Variants in SCLT1 observed in about 807,000 individuals in gnomAD.
SCLT1 encodes the protein sodium channel-associated protein 1.
A neutral mutation model predicts 112.8 loss-of-function variants in SCLT1; 78 were observed. That is an observed-to-expected ratio of 0.69 (90% CI 0.58 to 0.83). The LOEUF (loss-of-function observed/expected upper bound fraction) is 0.83. Ranked by LOEUF, SCLT1 falls within the 40% of genes least tolerant of loss-of-function variation. SCLT1 has a pLI of 0.00. For missense variants in SCLT1, 747 were observed against 770.4 expected (o/e 0.97, Z 0.36); for synonymous variants, 257 against 254.7 (o/e 1.01, Z -0.09).
In SCLT1 at chr4:129,053,557, A is replaced by ATTTTTTTTTTTT. The variant is rs528905688; in HGVS notation, c.103-9518_103-9507dup. ...TTAGAGACTAGGATTGCAATCCCTG[A>ATTTTTTTTTTTT]TTTTTTTTTTTTTTTTTTTTTTTTT... On this transcript the variant is annotated intron_variant, in intron 2 of 20. Coordinates refer to ENST00000281142, the MANE Select transcript of SCLT1 (RefSeq NM_144643.4). Among the ~76,000 whole-genome samples, 23 of 45,238 alleles carry ATTTTTTTTTTTT rather than the reference A, an allele frequency of 5.1e-4. 2 individuals are homozygous for ATTTTTTTTTTTT. Among genetic ancestry groups the ATTTTTTTTTTTT allele is most frequent in the Non-Finnish European group, 7.0e-4 (18 of 25,852 alleles). The allele number at this position is 45,238 out of a possible 152,430, so 29.7% of individuals were successfully genotyped here. A position where few individuals can be genotyped will look rare whatever the true frequency, so the allele number is the denominator to read the frequency against.
intron 18 of SCLT1, among the ~76,000 whole-genome samples, chr4:128,895,478 A>G (rs1056828599): frequency 6.6e-6 from 1 of 152,148 alleles, no homozygotes; most frequent in Non-Finnish European, 1.5e-5. Flanking sequence ...GATCAGGTTT[A>G]TATTATTTTT....
chr4:128,976,127 G>A (rs773259173), intron 9 of SCLT1, among the ~76,000 whole-genome samples: 2 of 152,142 alleles, frequency 1.3e-5, no homozygotes, highest in African/African-American at 2.4e-5. Context: ...ACTAGTAGTA[G>A]TGTCCATACT....
At chr4:128,937,350 T>C (rs1737296010) in intron 17 of SCLT1, among the ~76,000 whole-genome samples, 1 of 151,918 alleles carries the variant, frequency 6.6e-6, no homozygotes, top group African/African-American at 2.4e-5. Context: ...CGAAAACTTA[T>C]AATGTTATGT....
chr4:129,055,638 A>T (rs1284867792), intron 2 of SCLT1, among the ~76,000 whole-genome samples: 1 of 152,066 alleles, frequency 6.6e-6, no homozygotes, highest in Non-Finnish European at 1.5e-5. Flanking sequence ...AAGCTCGTTC[A>T]TCCCAGGTGG....
intron 8 of SCLT1, among the ~76,000 whole-genome samples, chr4:128,994,850 A>G (rs1742874333): frequency 6.6e-6 from 1 of 152,090 alleles, no homozygotes; most frequent in South Asian, 2.1e-4. Context: ...TTAAAAATCA[A>G]CTTATTAGGT....
downstream of SCLT1, among the ~76,000 whole-genome samples, chr4:128,882,355 T>TTAAC (rs1311173466): frequency 6.6e-6 from 1 of 152,214 alleles, no homozygotes; most frequent in Non-Finnish European, 1.5e-5. Flanking sequence ...TGATTACCAT[T>TTAAC]TAACTGCCAT....
At chr4:129,035,458 T>C (rs1337248292) in intron 5 of SCLT1, among the ~76,000 whole-genome samples, 2 of 152,144 alleles carry the variant, frequency 1.3e-5, no homozygotes, top group Non-Finnish European at 1.5e-5. Context: ...CAATGACTTA[T>C]TACCTCAGGT....
chr4:129,012,982 T>A (rs1744671307), intron 5 of SCLT1, among the ~76,000 whole-genome samples: 1 of 152,162 alleles, frequency 6.6e-6, no homozygotes, highest in South Asian at 2.1e-4. Flanking sequence ...TTCTGTGTCT[T>A]TTTTTGCTTT....
At chr4:129,016,401 T>C (rs889527089) in intron 5 of SCLT1, among the ~76,000 whole-genome samples, 3 of 152,200 alleles carry the variant, frequency 2.0e-5, no homozygotes, top group Admixed American at 1.3e-4. Context: ...CTCCCACTTA[T>C]GAGTGAGAAC....
At chr4:128,922,874 A>G (rs1218729827) in intron 18 of SCLT1, among the ~76,000 whole-genome samples, 1 of 152,220 alleles carries the variant, frequency 6.6e-6, no homozygotes, top group Non-Finnish European at 1.5e-5. Context: ...TTTGTAAAAT[A>G]ACAGATCAGA....
chr4:128,877,960 A>G (rs559170879), intron 3 of SCLT1, among the ~76,000 whole-genome samples: 4 of 152,182 alleles, frequency 2.6e-5, no homozygotes, highest in Non-Finnish European at 5.9e-5. Context: ...CAGATCAAAT[A>G]TATGTATATG....
At chr4:128,904,639 T>C (rs1734558342) in intron 18 of SCLT1, among the ~76,000 whole-genome samples, 1 of 152,148 alleles carries the variant, frequency 6.6e-6, no homozygotes, top group Non-Finnish European at 1.5e-5. Flanking sequence ...ATCATATTGT[T>C]TCCCACTTAA....
intron 2 of SCLT1, among the ~76,000 whole-genome samples, chr4:129,053,225 C>T (rs1006873326): frequency 7.9e-5 from 12 of 152,074 alleles, no homozygotes; most frequent in African/African-American, 2.9e-4. Context: ...GTGGAGAGTT[C>T]TGTAGATGTC....
At chr4:128,995,228 A>C (rs1742910463) in intron 8 of SCLT1, among the ~76,000 whole-genome samples, 1 of 152,156 alleles carries the variant, frequency 6.6e-6, no homozygotes, top group Non-Finnish European at 1.5e-5. Context: ...GTCCAAAATC[A>C]TGTTTTGAAT....
chr4:128,984,704 T>C (rs537942538), intron 9 of SCLT1, among the ~76,000 whole-genome samples: 6 of 152,294 alleles, frequency 3.9e-5, no homozygotes, highest in African/African-American at 1.4e-4. Context: ...AAAAATCTTA[T>C]ATCCTTTTTT....
intron 5 of SCLT1, among the ~76,000 whole-genome samples, chr4:129,035,434 A>G (rs1439041567): frequency 6.6e-6 from 1 of 152,096 alleles, no homozygotes; most frequent in African/African-American, 2.4e-5. Context: ...AAAGACATAA[A>G]AACTGGTTTA....
At chr4:129,065,361 G>A (rs745823019) in intron 2 of SCLT1, among the ~76,000 whole-genome samples, 4 of 152,014 alleles carry the variant, frequency 2.6e-5, no homozygotes, top group Admixed American at 6.6e-5. Context: ...GTGTGTATGC[G>A]TGTGCACTTT....
In SCLT1 at chr4:129,003,858, T is replaced by C; in HGVS notation, c.309A>G (p.Lys103=). 1 of 1,612,080 alleles carries C rather than the reference T, an allele frequency of 6.2e-7. No individual in the cohort carries two copies. The highest frequency in any genetic ancestry group is 8.5e-7 in the Non-Finnish European group (1 of 1,179,014). ...CCTCCAATTTTTTTTCAACAGCATCTTTTAATTCACTGTGCAACCTTTGAA... is the reference window on the plus strand; with the variant it reads ...CCTCCAATTTTTTTTCAACAGCATCCTTTAATTCACTGTGCAACCTTTGAA... ...KENERLHSEL[K]DAVEKKLEAF... The change falls in exon 6 of 21, where the codon AAA becomes AAG. Residue 103 remains lysine, a synonymous_variant. Transcript: ENST00000281142.
intron 4 of SCLT1, among the ~76,000 whole-genome samples, chr4:129,041,210 A>T (rs1318483202): frequency 6.6e-6 from 1 of 152,200 alleles, no homozygotes; most frequent in Admixed American, 6.5e-5. Context: ...TTGCTCTTTA[A>T]TTGTCAGCTA....
Sources: gnomAD v4.1 joint callset for allele counts (sites outside exome capture counted in the v4.1 genomes callset) on GRCh38, gnomAD v4.1.1 for gene constraint, MANE v1.5 for transcripts, NCBI Gene and HGNC (gene_info 2026-07-23, HGNC 2026-07-21) for gene names.